Variants in PAPOLA observed in about 807,000 individuals in gnomAD.
PAPOLA encodes the protein polynucleotide adenylyltransferase alpha.
Under a neutral mutation model 100.6 loss-of-function variants are expected in PAPOLA, and 15 were observed. The ratio of observed to expected loss-of-function variants is 0.15; its 90% CI spans 0.10 to 0.23. PAPOLA has a LOEUF of 0.23. Among genes scored for constraint, PAPOLA ranks in the 10% least tolerant of loss-of-function variants. The probability of loss-of-function intolerance (pLI) is 1.00; values close to 1 mark genes in which losing one functional copy is unlikely to be tolerated. For synonymous variants in PAPOLA, 293 were observed against 300.0 expected (o/e 0.98, Z 0.24); for missense variants, 533 against 884.2 (o/e 0.60, Z 5.04).
At chr14:96,524,810 GTGTGTGGC>G (rs1898325801) in intron 3 of PAPOLA, among the ~76,000 whole-genome samples, 1 of 152,176 alleles carries the variant, frequency 6.6e-6, no homozygotes, top group Non-Finnish European at 1.5e-5. Flanking sequence ...GTGAGCCACT[GTGTGTGGC>G]TACTATTGGC....
intron 1 of PAPOLA, chr14:96,503,020 C>T (rs1006984379): frequency 1.0e-5 from 2 of 196,976 alleles, no homozygotes; most frequent in Non-Finnish European, 1.0e-5. Context: ...TCTCGGCGCC[C>T]CTCGGGCCCA....
intron 3 of PAPOLA, among the ~76,000 whole-genome samples, chr14:96,523,276 A>G (rs1348084657): frequency 1.3e-5 from 2 of 152,224 alleles, no homozygotes; most frequent in Admixed American, 1.3e-4. Context: ...GTATAAACAT[A>G]CTAATATCTA....
chr14:96,507,280 G>GTTTTTTTTT (rs71103533), intron 1 of PAPOLA, among the ~76,000 whole-genome samples: 34 of 80,712 alleles, frequency 4.2e-4, no homozygotes, highest in African/African-American at 1.4e-3. Context: ...TTGGAAAATA[G>GTTTTTTTTT]TTTTTTTTTT....
At chr14:96,506,613 GT>G (rs1896732530) in intron 1 of PAPOLA, among the ~76,000 whole-genome samples, 1 of 152,114 alleles carries the variant, frequency 6.6e-6, no homozygotes, top group Non-Finnish European at 1.5e-5. Flanking sequence ...GAGCTTGACG[GT>G]TTTTCCCAAT....
chr14:96,531,838 G>C, intron 7 of PAPOLA: 1 of 1,401,930 alleles, frequency 7.1e-7, no homozygotes, highest in Non-Finnish European at 9.2e-7. Context: ...TCTGACTTTT[G>C]TACTCTGTTG....
chr14:96,529,380 A>G (rs1274527037), intron 6 of PAPOLA, among the ~76,000 whole-genome samples: 1 of 151,838 alleles, frequency 6.6e-6, no homozygotes, highest in Admixed American at 6.6e-5. Flanking sequence ...TTCTGTAGGT[A>G]TGTTTAAATG....
intron 16 of PAPOLA, among the ~76,000 whole-genome samples, chr14:96,551,143 A>G (rs1211148927): frequency 6.6e-6 from 1 of 152,218 alleles, no homozygotes; most frequent in Non-Finnish European, 1.5e-5. Context: ...ATCTGGATAT[A>G]GAAGCAAACA....
chr14:96,546,838 T>C (rs1900429440), intron 15 of PAPOLA, among the ~76,000 whole-genome samples: 1 of 152,182 alleles, frequency 6.6e-6, no homozygotes, highest in South Asian at 2.1e-4. Context: ...ATCTTCTTCA[T>C]TGGCATTTTT....
intron 6 of PAPOLA, among the ~76,000 whole-genome samples, chr14:96,529,688 C>T (rs1269962733): frequency 1.3e-5 from 2 of 152,012 alleles, no homozygotes; most frequent in East Asian, 1.9e-4. Context: ...TGCCACTGCA[C>T]TCCAGCCTGG....
intron 6 of PAPOLA, among the ~76,000 whole-genome samples, chr14:96,529,945 C>T (rs1452941402): frequency 6.6e-6 from 1 of 152,272 alleles, no homozygotes; most frequent in African/African-American, 2.4e-5. Flanking sequence ...GCTGTACTTT[C>T]CCCAGTGTTT....
At chr14:96,540,712 C>T (rs1195554595) in intron 12 of PAPOLA, among the ~76,000 whole-genome samples, 1 of 152,086 alleles carries the variant, frequency 6.6e-6, no homozygotes, top group Non-Finnish European at 1.5e-5. Flanking sequence ...TCCCTATATA[C>T]CTTGTTTTTT....
chr14:96,534,017 T>A (rs552302221), intron 9 of PAPOLA: 1 of 986,802 alleles, frequency 1.0e-6, no homozygotes, highest in Admixed American at 6.0e-5. Flanking sequence ...TGCCACCAAG[T>A]TTTACTACTA....
intron 19 of PAPOLA, among the ~76,000 whole-genome samples, chr14:96,558,890 A>T (rs936351393): frequency 6.6e-6 from 1 of 152,116 alleles, no homozygotes; most frequent in Non-Finnish European, 1.5e-5. Context: ...TTGATTTTTT[A>T]AAAAATAGGC....
chr14:96,531,760 T>C, intron 7 of PAPOLA, 174 bp downstream of exon 7: 1 of 1,456,378 alleles, frequency 6.9e-7, no homozygotes, highest in Non-Finnish European at 9.0e-7. Context: ...TTTATTTCAC[T>C]CTACAGTATT....
chr14:96,546,213 A>C (rs1900384154), intron 15 of PAPOLA, among the ~76,000 whole-genome samples: 1 of 152,040 alleles, frequency 6.6e-6, no homozygotes, highest in South Asian at 2.1e-4. Flanking sequence ...ATCCACTATA[A>C]AATCTTTTTG....
At chr14:96,560,049 G>A (rs991072142) in intron 19 of PAPOLA, among the ~76,000 whole-genome samples, 2 of 152,058 alleles carry the variant, frequency 1.3e-5, no homozygotes, top group African/African-American at 4.8e-5. Flanking sequence ...TAAGCCTGTG[G>A]TTTTTCTATG....
intron 1 of PAPOLA, among the ~76,000 whole-genome samples, chr14:96,503,672 ACT>A (rs1034507849): frequency 4.5e-4 from 68 of 151,572 alleles, no homozygotes; most frequent in Non-Finnish European, 3.8e-4. Flanking sequence ...TGTAATTGAC[ACT>A]CAAAGTTTTG....
intron 15 of PAPOLA, among the ~76,000 whole-genome samples, chr14:96,546,101 C>T (rs1158584899): frequency 6.6e-6 from 1 of 152,032 alleles, no homozygotes; most frequent in Admixed American, 6.6e-5. Flanking sequence ...CACAAATGTT[C>T]ACTCCCAACC....
In PAPOLA at chr14:96,539,888, T is replaced by C. The variant is rs538581836; in HGVS notation, c.1116-2355T>C. 4.7e-5 allele frequency among the ~76,000 whole-genome samples: 7 copies of C among 150,074 alleles called. No individual in the cohort carries two copies. The South Asian group carries it at 1.4e-3, about 31-fold the overall frequency. On this transcript the variant is annotated intron_variant, in intron 12 of 21. Coordinates refer to ENST00000216277, the MANE Select transcript of PAPOLA (RefSeq NM_032632.5). ...AATGAATTCCTAATGACTCAAAATA[T>C]TTGCGGGTTTTTTTTTATTAAACTT...
Sources: allele counts gnomAD v4.1 joint callset (sites outside exome capture counted in the v4.1 genomes callset), GRCh38; gene constraint gnomAD v4.1.1; transcripts MANE v1.5; gene names NCBI Gene and HGNC (gene_info 2026-07-23, HGNC 2026-07-21).